Variants in CYSTM1 observed in about 807,000 individuals in gnomAD.
CYSTM1 encodes the protein cysteine rich transmembrane module containing 1, also known as cysteine-rich transmembrane module-containing protein 1.
In CYSTM1, 4 loss-of-function variants were observed where a neutral mutation model predicts 13.1. The observed-to-expected ratio is 0.31, with a 90% CI of 0.15 to 0.70. The LOEUF (loss-of-function observed/expected upper bound fraction) is 0.70. CYSTM1 is among the 30% of genes least tolerant of loss of function. The pLI is 0.72. For missense variants in CYSTM1, 96 were observed against 121.6 expected (o/e 0.79, Z 0.99); for synonymous variants, 36 against 42.7 (o/e 0.84, Z 0.62).
intron 1 of CYSTM1, among the ~76,000 whole-genome samples, chr5:140,178,185 G>A (rs1460571318): frequency 6.6e-6 from 1 of 152,102 alleles, no homozygotes. Context: ...AGCATTTTGA[G>A]CTCACATTTG....
intron 1 of CYSTM1, among the ~76,000 whole-genome samples, chr5:140,179,533 C>CT (rs1428968054): frequency 5.9e-5 from 9 of 152,030 alleles, no homozygotes; most frequent in African/African-American, 2.2e-4. Context: ...GCACTCCAGC[C>CT]TGGGAGACAG....
At chr5:140,212,578 A>ACC (rs1390608823) in intron 2 of CYSTM1, among the ~76,000 whole-genome samples, 1 of 152,092 alleles carries the variant, frequency 6.6e-6, no homozygotes, top group Non-Finnish European at 1.5e-5. Context: ...AGTAGCTAGG[A>ACC]CTACAGGTGC....
At chr5:140,201,028 A>G (rs928413779) in intron 2 of CYSTM1, 3 of 152,116 alleles carry the variant, frequency 2.0e-5, no homozygotes, top group African/African-American at 7.2e-5. Flanking sequence ...ATTCCTTCCT[A>G]TTGCCAAATA....
intron 2 of CYSTM1, among the ~76,000 whole-genome samples, chr5:140,222,558 C>T (rs1312639776): frequency 2.0e-5 from 3 of 152,258 alleles, no homozygotes; most frequent in African/African-American, 7.2e-5. Flanking sequence ...CAAACTACTG[C>T]ATAACTAAAA....
intron 2 of CYSTM1, chr5:140,228,638 G>T: frequency 2.5e-6 from 1 of 397,444 alleles, no homozygotes; most frequent in Non-Finnish European, 4.4e-6. Flanking sequence ...CCAGTCTGCA[G>T]AGTGTGGTAA....
chr5:140,193,555 G>A (rs1409153224), intron 1 of CYSTM1, among the ~76,000 whole-genome samples: 1 of 152,214 alleles, frequency 6.6e-6, no homozygotes, highest in African/African-American at 2.4e-5. Flanking sequence ...GGGATTACAG[G>A]CATGAGCCAC....
chr5:140,242,656 G>A (rs893448950), intron 2 of CYSTM1, among the ~76,000 whole-genome samples: 4 of 152,134 alleles, frequency 2.6e-5, no homozygotes, highest in Non-Finnish European at 4.4e-5. Context: ...AGAGCACTTG[G>A]CCATGACAGG....
chr5:140,178,138 G>A (rs960118900), intron 1 of CYSTM1, among the ~76,000 whole-genome samples: 1 of 152,142 alleles, frequency 6.6e-6, no homozygotes, highest in Non-Finnish European at 1.5e-5. Flanking sequence ...AAGGGGGACT[G>A]GGCTGAGGTG....
chr5:140,227,744 C>G (rs1302072911), intron 2 of CYSTM1, among the ~76,000 whole-genome samples: 1 of 152,120 alleles, frequency 6.6e-6, no homozygotes, highest in Admixed American at 6.5e-5. Flanking sequence ...TTGAAGAGAT[C>G]CAAGGCATTC....
chr5:140,216,232 A>G (rs1764425089), intron 2 of CYSTM1, among the ~76,000 whole-genome samples: 1 of 152,182 alleles, frequency 6.6e-6, no homozygotes, highest in South Asian at 2.1e-4. Context: ...AGGAGTGATT[A>G]TCAGCTTTCA....
intron 2 of CYSTM1, among the ~76,000 whole-genome samples, chr5:140,196,511 A>G (rs1764161481): frequency 6.6e-6 from 1 of 152,242 alleles, no homozygotes; most frequent in Admixed American, 6.5e-5. Context: ...ATTGAATAGA[A>G]TATTTGAATA....
At chr5:140,180,242 A>G (rs1324610238) in intron 1 of CYSTM1, among the ~76,000 whole-genome samples, 1 of 152,026 alleles carries the variant, frequency 6.6e-6, no homozygotes, top group East Asian at 1.9e-4. Flanking sequence ...CAGTCCTGTC[A>G]CTCAATCTAG....
chr5:140,189,900 C>T (rs1224648834), intron 1 of CYSTM1, among the ~76,000 whole-genome samples: 1 of 151,554 alleles, frequency 6.6e-6, no homozygotes, highest in Non-Finnish European at 1.5e-5. Context: ...TTGCATAGGT[C>T]TGTGATATGT....
chr5:140,177,078 A>AAAAAAAAACAAACAAACAAAC (rs1554131563), intron 1 of CYSTM1, among the ~76,000 whole-genome samples: 2 of 135,544 alleles, frequency 1.5e-5, no homozygotes, highest in African/African-American at 5.3e-5. Flanking sequence ...CAAAAAAAAA[A>AAAAAAAAACAAACAAACAAAC]AAAAAAAAAT....
intron 2 of CYSTM1, among the ~76,000 whole-genome samples, chr5:140,232,104 G>C (rs968926733): frequency 6.6e-6 from 1 of 152,144 alleles, no homozygotes; most frequent in African/African-American, 2.4e-5. Flanking sequence ...TAAGAGTCAG[G>C]GATGACTTCT....
intron 1 of CYSTM1, among the ~76,000 whole-genome samples, chr5:140,192,004 C>T: frequency 6.6e-6 from 1 of 152,128 alleles, no homozygotes; most frequent in East Asian, 1.9e-4. Context: ...AGTTGCAGAC[C>T]AGAGCGCAGA....
intron 1 of CYSTM1, among the ~76,000 whole-genome samples, chr5:140,176,048 T>C (rs977350190): frequency 6.6e-6 from 1 of 152,116 alleles, no homozygotes; most frequent in African/African-American, 2.4e-5. Flanking sequence ...GACCGTCTGC[T>C]GGGCTGTTTT....
intron 2 of CYSTM1, among the ~76,000 whole-genome samples, chr5:140,241,085 T>G (rs953804350): frequency 2.0e-5 from 3 of 152,252 alleles, no homozygotes; most frequent in Non-Finnish European, 2.9e-5. Flanking sequence ...CTGTCAGCAC[T>G]GCCTGGGAGT....
chr5:140,239,455 G>T lies in CYSTM1; in HGVS notation c.188-3850G>T, dbSNP rs1764722108. ...GGTGTGTCTGGTGGCCAAAGTGGCAGTGGGCACTGGTGGCCCTGGAGAAGA... is the reference window on the plus strand; with the variant it reads ...GGTGTGTCTGGTGGCCAAAGTGGCATTGGGCACTGGTGGCCCTGGAGAAGA... On this transcript the variant is annotated intron_variant, in intron 2 of 2. Coordinates refer to ENST00000261811, the MANE Select transcript of CYSTM1 (RefSeq NM_032412.4). The surrounding 1 kb of genome is among the most constrained non-coding windows in gnomAD (Gnocchi z 5.4). Among the ~76,000 whole-genome samples, 1 of 152,220 alleles carries T rather than the reference G, an allele frequency of 6.6e-6. No homozygotes were observed. Among genetic ancestry groups the T allele is most frequent in the African/African-American group, 2.4e-5 (1 of 41,468 alleles).
Sources: allele counts gnomAD v4.1 joint callset (sites outside exome capture counted in the v4.1 genomes callset), GRCh38; gene constraint gnomAD v4.1.1; non-coding constraint Gnocchi (gnomAD v3.1); transcripts MANE v1.5; gene names NCBI Gene and HGNC (gene_info 2026-07-23, HGNC 2026-07-21).